DNAH11: variants seen among roughly 807,000 people sequenced by gnomAD.
The protein encoded by DNAH11 is axonemal beta dynein heavy chain 11.
Under a neutral mutation model 526.0 loss-of-function variants are expected in DNAH11, and 442 were observed. The observed-to-expected ratio is 0.84, with a 90% CI of 0.78 to 0.91. The LOEUF (loss-of-function observed/expected upper bound fraction) is 0.91. Ranked by LOEUF, DNAH11 falls within the 40% of genes least tolerant of loss-of-function variation. DNAH11 has a pLI of 0.00. For missense variants in DNAH11, 6,989 were observed against 5,448.7 expected, an observed-to-expected ratio of 1.28 and a Z score of -8.90; for synonymous variants, 2,461 against 1,935.9, an observed-to-expected ratio of 1.27 and a Z score of -7.12.
rs371484690 is a variant in DNAH11, at chr7:21,617,790, G to A, written c.4254+13G>A. 2.9e-4 allele frequency: 461 copies of A among 1,569,022 alleles called. 1 individual carries two copies. The highest frequency in any genetic ancestry group is 3.8e-4 in the Non-Finnish European group (444 of 1,159,752). On this transcript the variant is annotated intron_variant, in intron 23 of 81. Transcript: ENST00000409508. ...GAAAGCTATTGGGGTCAGTATCCTT[G>A]GTCTCACTAATGAACCTTTTTATGA...
chr7:21,621,812 C>T (rs183701892), intron 25 of DNAH11, among the ~76,000 whole-genome samples: 20 of 152,194 alleles, frequency 1.3e-4, no homozygotes, highest in African/African-American at 4.3e-4. Context: ...ATTGATGGGA[C>T]GTATCTCAAA....
intron 8 of DNAH11, among the ~76,000 whole-genome samples, chr7:21,574,910 T>C (rs1180109646): frequency 7.7e-6 from 1 of 130,040 alleles, no homozygotes; most frequent in African/African-American, 2.9e-5. Flanking sequence ...AGTTTCACTC[T>C]GTCACCCAAG....
chr7:21,870,328 G>A (rs944497935), intron 73 of DNAH11, among the ~76,000 whole-genome samples: 38 of 152,272 alleles, frequency 2.5e-4, no homozygotes, highest in African/African-American at 8.7e-4. Flanking sequence ...GATTCATAAA[G>A]AAGCTTCCAG....
At chr7:21,641,730 C>T (rs185782275) in intron 28 of DNAH11, among the ~76,000 whole-genome samples, 6 of 152,280 alleles carry the variant, frequency 3.9e-5, no homozygotes, top group East Asian at 3.9e-4. Flanking sequence ...AACATGACTT[C>T]GGTATTTTAC....
At chr7:21,838,279 C>T (rs564823413) in intron 65 of DNAH11, among the ~76,000 whole-genome samples, 1 of 152,332 alleles carries the variant, frequency 6.6e-6, no homozygotes, top group East Asian at 1.9e-4. Flanking sequence ...GCGTGAACCT[C>T]TGAGAAACTG....
At chr7:21,596,336 A>G (rs1784860421) in intron 14 of DNAH11, among the ~76,000 whole-genome samples, 1 of 152,204 alleles carries the variant, frequency 6.6e-6, no homozygotes, top group Non-Finnish European at 1.5e-5. Flanking sequence ...GGCTCTGCCA[A>G]AGTCCTGGGT....
intron 47 of DNAH11, 76 bp downstream of exon 47, chr7:21,738,942 ATTAT>A: frequency 8.1e-7 from 1 of 1,227,606 alleles, no homozygotes; most frequent in Non-Finnish European, 1.1e-6. Context: ...TGGATGAATA[ATTAT>A]TATGAATAAT....
intron 80 of DNAH11, among the ~76,000 whole-genome samples, chr7:21,899,662 GC>G (rs542318156): frequency 4.4e-4 from 67 of 152,324 alleles, no homozygotes; most frequent in African/African-American, 1.5e-3. Flanking sequence ...AGCAAGAGTA[GC>G]CAAGTGAGGT....
chr7:21,650,112 T>G (rs1787559491), intron 28 of DNAH11, among the ~76,000 whole-genome samples: 1 of 152,216 alleles, frequency 6.6e-6, no homozygotes, highest in South Asian at 2.1e-4. Context: ...AAACCCAGCA[T>G]TTGTGTTGTG....
In DNAH11 at chr7:21,899,392, C is replaced by G; in HGVS notation, c.13106C>G (p.Thr4369Ser). Residue 4369 changes from threonine (T) to serine (S), a missense_variant, in exon 80 of 82, where the codon ACC (threonine) becomes AGC (serine). Coordinates refer to ENST00000409508, the MANE Select transcript of DNAH11 (RefSeq NM_001277115.2). The part of the protein sequence containing the change: ...RELDTWTQDL[T>S]LPAVVWLSGF... ...CTCGATACTTGGACACAAGACCTTA[C>G]CCTTCCGGCTGTCGTGTGGCTCTCC... 3 of 1,614,020 alleles carry G rather than the reference C, an allele frequency of 1.9e-6. No individual in the cohort carries two copies. Among genetic ancestry groups the G allele is most frequent in the Middle Eastern group, 1.6e-4 (1 of 6,062 alleles).
chr7:21,703,299 G>T (rs754622560), intron 37 of DNAH11: 57 of 158,706 alleles, frequency 3.6e-4, no homozygotes, highest in Non-Finnish European at 5.6e-4. Flanking sequence ...TCTCCTTCCT[G>T]GGGAGAAACG....
intron 30 of DNAH11, among the ~76,000 whole-genome samples, chr7:21,680,872 G>C (rs1354480900): frequency 6.6e-6 from 1 of 152,142 alleles, no homozygotes; most frequent in Non-Finnish European, 1.5e-5. Flanking sequence ...AATATAATTT[G>C]TCATTTAGCT....
Position 21,737,937 on chromosome 7 carries a change from T to C in DNAH11, c.7646-764T>C, listed in dbSNP as rs576112806. On this transcript the variant is annotated intron_variant, in intron 46 of 81. Transcript: ENST00000409508. Reference sequence around the variant, plus strand: ...GCTTCTTGGAAAAGGTGTTTATTTATTTATGATTCTTTGTTCATTCATTCA... The same window carrying C: ...GCTTCTTGGAAAAGGTGTTTATTTACTTATGATTCTTTGTTCATTCATTCA... Among the ~76,000 whole-genome samples, 34 of 152,312 alleles carry C rather than the reference T, an allele frequency of 2.2e-4. No individual in the cohort carries two copies. The South Asian group carries it at 6.9e-3, about 31-fold the overall frequency.
At chr7:21,855,497 T>G (rs1375296801) in intron 68 of DNAH11, among the ~76,000 whole-genome samples, 1 of 152,242 alleles carries the variant, frequency 6.6e-6, no homozygotes, top group Non-Finnish European at 1.5e-5. Context: ...TTTGGCTCAT[T>G]CTTTATCCCT....
chr7:21,575,645 A>T (rs886275687), intron 8 of DNAH11, among the ~76,000 whole-genome samples: 3 of 152,182 alleles, frequency 2.0e-5, no homozygotes, highest in Admixed American at 2.0e-4. Flanking sequence ...CATCTGTAAA[A>T]ACTTAGTCCC....
chr7:21,732,237 C>T (rs965373232), intron 45 of DNAH11, among the ~76,000 whole-genome samples: 2 of 152,194 alleles, frequency 1.3e-5, no homozygotes, highest in Non-Finnish European at 1.5e-5. Flanking sequence ...CCTCACTCCT[C>T]GTAGCCACTT....
At chr7:21,663,412 T>C (rs1389449940) in intron 30 of DNAH11, among the ~76,000 whole-genome samples, 1 of 152,094 alleles carries the variant, frequency 6.6e-6, no homozygotes, top group African/African-American at 2.4e-5. Flanking sequence ...CTGTTTTCCA[T>C]AGGGGTTGTG....
At chr7:21,771,222 A>G (rs1361406731) in intron 55 of DNAH11, among the ~76,000 whole-genome samples, 1 of 152,122 alleles carries the variant, frequency 6.6e-6, no homozygotes, top group African/African-American at 2.4e-5. Flanking sequence ...TCCCTTGAAT[A>G]CAGTGCTCTT....
intron 62 of DNAH11, among the ~76,000 whole-genome samples, chr7:21,801,635 A>T (rs1208696206): frequency 6.6e-6 from 1 of 152,132 alleles, no homozygotes; most frequent in Non-Finnish European, 1.5e-5. Flanking sequence ...CTTTCTTACC[A>T]CATTGTGAAA....
Sources: gnomAD v4.1 joint callset for allele counts (sites outside exome capture counted in the v4.1 genomes callset) on GRCh38, gnomAD v4.1.1 for gene constraint, MANE v1.5 for transcripts, NCBI Gene and HGNC (gene_info 2026-07-23, HGNC 2026-07-21) for gene names.